COCH: variants seen among roughly 807,000 people sequenced by gnomAD.
COCH encodes the protein cochlin.
Under a neutral mutation model 54.8 loss-of-function variants are expected in COCH, and 40 were observed. The ratio of observed to expected loss-of-function variants is 0.73; its 90% CI spans 0.57 to 0.95. COCH has a LOEUF of 0.95. Ranked by LOEUF, COCH falls within the 40% of genes least tolerant of loss-of-function variation. The pLI is 0.00. For synonymous variants in COCH, 256 were observed against 237.9 expected (o/e 1.08, Z -0.70); for missense variants, 605 against 675.0 (o/e 0.90, Z 1.15).
chr14:30,890,323 G>A lies in COCH; in HGVS notation c.*532G>A. 1.0e-6 allele frequency: 1 copy of A among 985,642 alleles called. No homozygotes were observed. The highest frequency in any genetic ancestry group is 1.2e-6 in the Non-Finnish European group (1 of 830,122). 61.1% of individuals were successfully genotyped at this position (985,642 alleles called of 1,614,324 possible). ...GACTATAAAATCTGGATATAGAAAG[G>A]AGACCTGTATCAAACTGCTTTTGTA... On this transcript the variant is annotated 3_prime_UTR_variant, in exon 12 of 12. Coordinates refer to ENST00000396618, the MANE Select transcript of COCH (RefSeq NM_004086.3).
intron 1 of COCH, 24 bp from the exon 2 acceptor site, chr14:30,874,892 G>T (rs1566404594): frequency 6.2e-7 from 1 of 1,610,972 alleles, no homozygotes; most frequent in South Asian, 1.1e-5. Flanking sequence ...CCCTGGCCTT[G>T]CCCGCATTCT....
downstream of COCH, chr14:30,895,296 T>C: frequency 2.9e-6 from 3 of 1,047,100 alleles, no homozygotes; most frequent in South Asian, 1.9e-5. Context: ...CTGCCCCAGA[T>C]AGCCTTCACC....
At position 30,886,093 on chromosome 14, in the gene COCH, A is replaced by C; in HGVS notation, c.1258A>C (p.Ser420Arg). The C allele has an allele frequency of 6.2e-7, 1 of 1,614,234 alleles. No homozygotes were observed. Among genetic ancestry groups the C allele is most frequent in the Non-Finnish European group, 8.5e-7 (1 of 1,180,030 alleles). Reference sequence around the variant, plus strand: ...TACTTATGATCAGCGCACGGAGTTCAGTTTCACTGACTATAGCACCAAAGA... The same window carrying C: ...TACTTATGATCAGCGCACGGAGTTCCGTTTCACTGACTATAGCACCAAAGA... ...QFTYDQRTEF[S>R]FTDYSTKENV... Residue 420 changes from serine to arginine, a missense_variant, in exon 11 of 12, where the codon AGT (serine) becomes CGT (arginine). By Grantham distance (110) the Ser-to-Arg change is moderately radical. Transcript: ENST00000396618.
At chr14:30,885,136 C>A (rs974517213) in intron 9 of COCH, 1 of 1,468,516 alleles carries the variant, frequency 6.8e-7, no homozygotes, top group African/African-American at 1.4e-5. Flanking sequence ...GTGGGGTAAA[C>A]AAATGTGAGG....
At chr14:30,892,825 CAAA>C (rs35404012), downstream of COCH, among the ~76,000 whole-genome samples, 12 of 150,098 alleles carry the variant, frequency 8.0e-5, no homozygotes, top group Admixed American at 1.3e-4. Context: ...AAAAAAAAAA[CAAA>C]AAACTTGAAA....
rs755579907 is a variant in COCH, at chr14:30,877,612, C to T, written c.123C>T (p.Ile41=). 6.2e-7 allele frequency: 1 copy of T among 1,614,212 alleles called. No homozygotes were observed. Among genetic ancestry groups the T allele is most frequent in the Middle Eastern group, 1.6e-4 (1 of 6,062 alleles). The change falls in exon 4 of 12, where the codon ATC becomes ATT. Residue 41 remains isoleucine, a synonymous_variant. Transcript: ENST00000396618. The surrounding 1 kb of genome is among the most constrained non-coding windows in gnomAD (Gnocchi z 8.6). ...CATGTTTTACCAGAGGCTTGGACAT[C>T]AGGAAAGAGAAAGCAGATGTCCTCT... ...AITCFTRGLD[I]RKEKADVLCP...
At chr14:30,883,818 A>G (rs1324198851) in intron 8 of COCH, among the ~76,000 whole-genome samples, 1 of 152,242 alleles carries the variant, frequency 6.6e-6, no homozygotes, top group Admixed American at 6.5e-5. Context: ...ATAGGAAATG[A>G]GATCTCAAAA....
In COCH at chr14:30,880,641, G is replaced by A. The variant is rs751600633; in HGVS notation, c.536G>A (p.Arg179His). The A allele has an allele frequency of 1.7e-5, 27 of 1,614,024 alleles. No homozygotes were observed. Among genetic ancestry groups the A allele is most frequent in the South Asian group, 5.5e-5 (5 of 91,080 alleles). The change falls in exon 8 of 12, where the codon CGC becomes CAC. Residue 179 changes from arginine (R) to histidine (H), a missense_variant. Coordinates refer to ENST00000396618, the MANE Select transcript of COCH (RefSeq NM_004086.3). Reference protein sequence around the residue: ...LIDGSFNIGQRRFNLQKNFVG... With the variant: ...LIDGSFNIGQHRFNLQKNFVG... ...GATGGAAGCTTTAATATTGGGCAGCGCCGATTTAATTTACAGAAGAATTTT... is the reference window on the plus strand; with the variant it reads ...GATGGAAGCTTTAATATTGGGCAGCACCGATTTAATTTACAGAAGAATTTT...
chr14:30,881,344 G>T (rs1171125238), intron 8 of COCH, among the ~76,000 whole-genome samples: 1 of 152,186 alleles, frequency 6.6e-6, no homozygotes, highest in African/African-American at 2.4e-5. Flanking sequence ...GGACACACTG[G>T]GTTCCCAAAC....
At chr14:30,875,484 G>A in intron 3 of COCH, 1 of 519,016 alleles carries the variant, frequency 1.9e-6, no homozygotes, top group Non-Finnish European at 3.4e-6. Context: ...TGCGTTTGGG[G>A]GTGGAGGAGA....
chr14:30,878,975 T>C, intron 5 of COCH, 31 bp downstream of exon 5: 1 of 1,612,680 alleles, frequency 6.2e-7, no homozygotes, highest in East Asian at 2.2e-5. Flanking sequence ...CATTCTGTAA[T>C]ATTCTCCCAC....
chr14:30,891,484 A>G (rs534076567), downstream of COCH, among the ~76,000 whole-genome samples: 1 of 152,370 alleles, frequency 6.6e-6, no homozygotes, highest in African/African-American at 2.4e-5. Context: ...ACTGGAATTG[A>G]CTTTTTCACT....
downstream of COCH, among the ~76,000 whole-genome samples, chr14:30,892,019 AAAT>A (rs1212305374): frequency 6.6e-6 from 1 of 152,362 alleles, no homozygotes; most frequent in Non-Finnish European, 1.5e-5. Flanking sequence ...ACCTAGTTTG[AAAT>A]AATGAGAAAA....
In COCH at chr14:30,885,574, T is replaced by C. The variant is rs1895758501; in HGVS notation, c.914T>C (p.Ile305Thr). Residue 305 changes from isoleucine (I) to threonine (T), a missense_variant, in exon 10 of 12, where the codon ATC becomes ACC. Ile to Thr is a moderately conservative substitution (Grantham distance 89). Coordinates refer to ENST00000396618, the MANE Select transcript of COCH (RefSeq NM_004086.3). ...NVFIVSVAKPIPEELGMVQDV... is the reference protein window; with the variant it reads ...NVFIVSVAKPTPEELGMVQDV... ...TTTATAGTTTCTGTGGCCAAGCCTATCCCTGAAGAACTGGGGATGGTTCAG... is the reference window on the plus strand; with the variant it reads ...TTTATAGTTTCTGTGGCCAAGCCTACCCCTGAAGAACTGGGGATGGTTCAG... The C allele has an allele frequency of 6.2e-7, 1 of 1,612,308 alleles. No homozygotes were observed. The highest frequency in any genetic ancestry group is 1.7e-5 in the Admixed American group (1 of 60,000).
chr14:30,881,950 C>CA (rs1895606773), intron 8 of COCH, among the ~76,000 whole-genome samples: 1 of 150,802 alleles, frequency 6.6e-6, no homozygotes. Flanking sequence ...GGCAACAGAG[C>CA]AAGACTCTGT....
intron 4 of COCH, among the ~76,000 whole-genome samples, chr14:30,878,352 T>C (rs1253304701): frequency 6.6e-6 from 1 of 152,180 alleles, no homozygotes; most frequent in Non-Finnish European, 1.5e-5. Context: ...TGTTCTTGTG[T>C]AAGCAAGTTT....
At chr14:30,885,088 A>T (rs1456719663) in intron 9 of COCH, 4 of 1,570,782 alleles carry the variant, frequency 2.5e-6, no homozygotes, top group African/African-American at 1.4e-5. Flanking sequence ...CATGCATGGA[A>T]GTGGGAATCA....
intron 8 of COCH, 125 bp from the exon 9 acceptor site, chr14:30,884,428 G>A (rs1211630829): frequency 2.9e-6 from 2 of 696,006 alleles, no homozygotes; most frequent in African/African-American, 1.8e-5. Context: ...AGTTGACTAT[G>A]TACTATGGAA....
downstream of COCH, among the ~76,000 whole-genome samples, chr14:30,893,307 C>T (rs1358773439): frequency 6.6e-6 from 1 of 151,894 alleles, no homozygotes; most frequent in African/African-American, 2.4e-5. Flanking sequence ...CCACCACGCC[C>T]GGCTAATTTT....
Sources: allele counts gnomAD v4.1 joint callset (sites outside exome capture counted in the v4.1 genomes callset), GRCh38; gene constraint gnomAD v4.1.1; non-coding constraint Gnocchi (gnomAD v3.1); transcripts MANE v1.5; gene names NCBI Gene and HGNC (gene_info 2026-07-23, HGNC 2026-07-21).